NUP54: variants seen among roughly 807,000 people sequenced by gnomAD.
The protein encoded by NUP54 is nucleoporin 54.
In NUP54, 27 loss-of-function variants were observed where a neutral mutation model predicts 66.4. The ratio of observed to expected loss-of-function variants is 0.41; its 90% CI spans 0.30 to 0.56. The LOEUF (loss-of-function observed/expected upper bound fraction) is 0.56. NUP54 is among the 20% of genes least tolerant of loss of function. NUP54 has a pLI of 0.34. For missense variants in NUP54, 486 were observed against 596.3 expected (o/e 0.82, Z 1.93); for synonymous variants, 206 against 210.7 (o/e 0.98, Z 0.19).
intron 9 of NUP54, among the ~76,000 whole-genome samples, chr4:76,119,881 CATCT>C (rs1224403625): frequency 6.6e-6 from 1 of 152,100 alleles, no homozygotes; most frequent in African/African-American, 2.4e-5. Context: ...GCTTTTTACT[CATCT>C]AAGTTTTTAA....
At chr4:76,145,504 T>A in intron 1 of NUP54, 1 of 1,024,928 alleles carries the variant, frequency 9.8e-7, no homozygotes, top group South Asian at 1.6e-5. Context: ...TTCTACTTAG[T>A]CTCTGTCAAG....
At chr4:76,147,908 T>A in intron 1 of NUP54, 2 of 281,416 alleles carry the variant, frequency 7.1e-6, no homozygotes, top group South Asian at 9.2e-5. Flanking sequence ...TCCCCAGCCC[T>A]ATCCTCGCCG....
intron 3 of NUP54, among the ~76,000 whole-genome samples, chr4:76,140,192 A>G (rs1473172173): frequency 6.6e-6 from 1 of 152,124 alleles, no homozygotes; most frequent in Admixed American, 6.6e-5. Context: ...TGAGTCAGGT[A>G]AAAAGAGGAA....
intron 10 of NUP54, 87 bp downstream of exon 10, chr4:76,117,988 C>G (rs1421240445): frequency 2.2e-6 from 3 of 1,386,190 alleles, no homozygotes; most frequent in East Asian, 4.6e-5. Context: ...CACAAGTATA[C>G]AAAATTCCTG....
chr4:76,120,592 C>A (rs567334136), intron 9 of NUP54, among the ~76,000 whole-genome samples: 1 of 152,150 alleles, frequency 6.6e-6, no homozygotes, highest in Non-Finnish European at 1.5e-5. Flanking sequence ...CCATGCCCAG[C>A]TAATTTTTGT....
At chr4:76,125,240 A>G (rs1475224977) in intron 8 of NUP54, among the ~76,000 whole-genome samples, 1 of 151,780 alleles carries the variant, frequency 6.6e-6, no homozygotes, top group East Asian at 2.0e-4. Flanking sequence ...AGATCGTGCC[A>G]CTGCACTCCA....
intron 3 of NUP54, 52 bp from the exon 4 acceptor site, chr4:76,136,464 A>C: frequency 6.8e-7 from 1 of 1,479,408 alleles, no homozygotes; most frequent in Non-Finnish European, 9.4e-7. Context: ...ACAAAACTTA[A>C]TCCAGATCCT....
At chr4:76,119,355 ACT>A in intron 9 of NUP54, among the ~76,000 whole-genome samples, 1 of 151,754 alleles carries the variant, frequency 6.6e-6, no homozygotes, top group African/African-American at 2.4e-5. Flanking sequence ...TGTATATATC[ACT>A]CTGTGACATG....
chr4:76,144,323 T>TAA (rs33913434), intron 2 of NUP54, 31 bp from the exon 3 acceptor site: 259 of 1,542,900 alleles, frequency 1.7e-4, no homozygotes, highest in Middle Eastern at 1.4e-3. Flanking sequence ...CTTCGTAAGT[T>TAA]AAAAAAAAAA....
intron 1 of NUP54, 119 bp downstream of exon 1, chr4:76,148,189 T>TCTA: frequency 1.2e-6 from 1 of 847,100 alleles, no homozygotes; most frequent in Middle Eastern, 3.9e-4. Context: ...TTCCAATGCC[T>TCTA]CTAAAGTCTC....
chr4:76,128,898 A>G (rs1218913410), intron 8 of NUP54, among the ~76,000 whole-genome samples: 1 of 152,228 alleles, frequency 6.6e-6, no homozygotes, highest in African/African-American at 2.4e-5. Flanking sequence ...TTAGTAGAAG[A>G]AAAGAGTAGA....
At chr4:76,120,649 G>C (rs1730194958) in intron 9 of NUP54, among the ~76,000 whole-genome samples, 1 of 151,964 alleles carries the variant, frequency 6.6e-6, no homozygotes, top group Admixed American at 6.6e-5. Flanking sequence ...GGCTGGTCTT[G>C]AACTCCTGAC....
At chr4:76,130,625 A>C in intron 8 of NUP54, 31 bp downstream of exon 8, 1 of 1,418,870 alleles carries the variant, frequency 7.0e-7, no homozygotes, top group Non-Finnish European at 1.0e-6. Flanking sequence ...CCCTACTTCC[A>C]GGGCCAGGGA....
intron 1 of NUP54, chr4:76,148,000 G>C (rs947695254): frequency 1.1e-4 from 42 of 372,030 alleles, no homozygotes; most frequent in African/African-American, 8.0e-4. Flanking sequence ...CTCGGGCAAG[G>C]GGAGAGGGAA....
In NUP54 at chr4:76,144,247, C is replaced by T. The variant is rs1329846363; in HGVS notation, c.197G>A (p.Gly66Asp). The change falls in exon 3 of 12, where the codon GGT becomes GAT. Residue 66 changes from glycine (G) to aspartate (D), a missense_variant. Gly to Asp is a moderately conservative substitution (Grantham distance 94). Coordinates refer to ENST00000264883, the MANE Select transcript of NUP54 (RefSeq NM_017426.4). ...ACTAGTTCCCGTTGTTGTGCCAAAA[C>T]CAGTACCAAATCCAAAACCTTTGTT... The part of the protein sequence containing the change: ...TQNKGFGFGT[G>D]FGTTTGTSTG... 6.2e-7 allele frequency: 1 copy of T among 1,613,762 alleles called. No individual in the cohort carries two copies. Among genetic ancestry groups the T allele is most frequent in the Non-Finnish European group, 8.5e-7 (1 of 1,179,984 alleles).
intron 5 of NUP54, among the ~76,000 whole-genome samples, chr4:76,133,196 C>A (rs1005855399): frequency 6.6e-6 from 1 of 152,022 alleles, no homozygotes; most frequent in East Asian, 1.9e-4. Flanking sequence ...CTGCTGTGCC[C>A]AACTGTTTTC....
At chr4:76,130,995 G>T (rs1278776553) in intron 7 of NUP54, 1 of 599,228 alleles carries the variant, frequency 1.7e-6, no homozygotes, top group Admixed American at 3.1e-5. Context: ...AGAATTTTCC[G>T]CTCCTAGTTA....
rs773823394 is a variant in NUP54, at chr4:76,148,369, G to A, written c.6C>T (p.Ala2=). M[A]FNFGAPSGTS... is the part of the protein sequence containing the mutation. ...TGCCCGAGGGAGCCCCAAAATTGAA[G>A]GCCATGTCGCGAAAGCAGGAGACCA... Residue 2 remains alanine (A), a synonymous_variant, in exon 1 of 12, where the codon GCC becomes GCT. Transcript: ENST00000264883. 3 of 1,543,614 alleles carry A rather than the reference G, an allele frequency of 1.9e-6. No homozygotes were observed. Among genetic ancestry groups the A allele is most frequent in the Admixed American group, 2.0e-5 (1 of 50,004 alleles).
intron 9 of NUP54, among the ~76,000 whole-genome samples, chr4:76,120,426 T>G (rs985332816): frequency 4.6e-5 from 3 of 65,866 alleles, no homozygotes; most frequent in Admixed American, 1.6e-4. Context: ...GATCTCTTTT[T>G]TTTTTTTTTT....
Sources: gnomAD v4.1 joint callset for allele counts (sites outside exome capture counted in the v4.1 genomes callset) on GRCh38, gnomAD v4.1.1 for gene constraint, MANE v1.5 for transcripts, NCBI Gene and HGNC (gene_info 2026-07-23, HGNC 2026-07-21) for gene names.